PTPRR: variants seen among roughly 807,000 people sequenced by gnomAD.
PTPRR encodes the protein protein tyrosine phosphatase receptor type R, also known as receptor-type tyrosine-protein phosphatase R.
PTPRR carries 38 observed loss-of-function variants against 77.2 expected under a neutral mutation model. That is an observed-to-expected ratio of 0.49 (90% CI 0.38 to 0.65). The LOEUF (loss-of-function observed/expected upper bound fraction) is 0.65. PTPRR is among the 30% of genes least tolerant of loss of function. The pLI, the probability that PTPRR is intolerant of heterozygous loss-of-function variation, is 0.00. For synonymous variants in PTPRR, 299 were observed against 283.1 expected (o/e 1.06, Z -0.57); for missense variants, 744 against 799.2 (o/e 0.93, Z 0.83).
intron 13 of PTPRR, among the ~76,000 whole-genome samples, chr12:70,652,030 A>G (rs1886414609): frequency 6.6e-6 from 1 of 152,218 alleles, no homozygotes; most frequent in Non-Finnish European, 1.5e-5. Context: ...TATGTATTAA[A>G]TACATAGTGC....
intron 10 of PTPRR, among the ~76,000 whole-genome samples, chr12:70,666,340 A>G: frequency 6.6e-6 from 1 of 152,212 alleles, no homozygotes; most frequent in Non-Finnish European, 1.5e-5. Flanking sequence ...GTTGAGGCAC[A>G]TGCAACCTTG....
At chr12:70,767,288 C>T (rs940825895) in intron 2 of PTPRR, among the ~76,000 whole-genome samples, 1 of 151,708 alleles carries the variant, frequency 6.6e-6, no homozygotes, top group African/African-American at 2.4e-5. Flanking sequence ...TGCAGAGACA[C>T]ACATAGGCTC....
At chr12:70,872,565 G>A (rs750308732) in intron 2 of PTPRR, among the ~76,000 whole-genome samples, 9 of 151,358 alleles carry the variant, frequency 5.9e-5, no homozygotes, top group Admixed American at 1.3e-4. Context: ...GCGTGGTGGC[G>A]GGTGCCTGTA....
intron 8 of PTPRR, among the ~76,000 whole-genome samples, chr12:70,694,693 T>C (rs550257022): frequency 6.6e-6 from 1 of 152,202 alleles, no homozygotes; most frequent in Admixed American, 6.5e-5. Context: ...AAAATCTTCC[T>C]ATTGGGTACT....
chr12:70,910,421 GCAATTATCTTA>G (rs1221444184), intron 1 of PTPRR, among the ~76,000 whole-genome samples: 4 of 152,044 alleles, frequency 2.6e-5, no homozygotes, highest in Non-Finnish European at 5.9e-5. Context: ...AAAAGGTAAG[GCAATTATCTTA>G]CAAAAGCACC....
At chr12:70,858,057 G>A (rs970557718) in intron 2 of PTPRR, among the ~76,000 whole-genome samples, 4 of 152,114 alleles carry the variant, frequency 2.6e-5, no homozygotes, top group African/African-American at 9.7e-5. Context: ...CAATGACTGA[G>A]TAGATCAGGG....
intron 2 of PTPRR, among the ~76,000 whole-genome samples, chr12:70,876,396 T>C (rs1893052610): frequency 6.6e-6 from 1 of 152,092 alleles, no homozygotes; most frequent in African/African-American, 2.4e-5. Flanking sequence ...GTAAATGAAA[T>C]AGATGTACAT....
chr12:70,696,934 T>C (rs1166996513), intron 8 of PTPRR, among the ~76,000 whole-genome samples: 1 of 152,194 alleles, frequency 6.6e-6, no homozygotes, highest in Admixed American at 6.5e-5. Flanking sequence ...ATCAGTGCCT[T>C]GTTCCTTTTT....
intron 2 of PTPRR, among the ~76,000 whole-genome samples, chr12:70,862,303 C>T (rs1051925209): frequency 6.6e-6 from 1 of 151,920 alleles, no homozygotes; most frequent in Non-Finnish European, 1.5e-5. Flanking sequence ...ACCTTTTCTA[C>T]AGAGTTGTAG....
At chr12:70,728,797 C>T (rs537229861) in intron 6 of PTPRR, among the ~76,000 whole-genome samples, 2 of 152,058 alleles carry the variant, frequency 1.3e-5, no homozygotes, top group East Asian at 3.9e-4. Flanking sequence ...CCACACAACA[C>T]TAAAGAGGAT....
intron 4 of PTPRR, among the ~76,000 whole-genome samples, chr12:70,756,992 T>G (rs547825128): frequency 6.6e-6 from 1 of 152,140 alleles, no homozygotes; most frequent in Admixed American, 6.6e-5. Context: ...CAATATGGCT[T>G]TGTTGGATAA....
At chr12:70,874,955 G>A (rs1052140699) in intron 2 of PTPRR, among the ~76,000 whole-genome samples, 20 of 149,342 alleles carry the variant, frequency 1.3e-4, no homozygotes, top group South Asian at 1.0e-3. Flanking sequence ...GCAACCTCAC[G>A]TTTGGGAATC....
intron 2 of PTPRR, among the ~76,000 whole-genome samples, chr12:70,849,477 C>G (rs1205392356): frequency 6.6e-6 from 1 of 152,162 alleles, no homozygotes; most frequent in African/African-American, 2.4e-5. Flanking sequence ...TTTTTCAACT[C>G]AACTACCAGT....
chr12:70,749,488 G>A (rs1890318928), intron 5 of PTPRR, among the ~76,000 whole-genome samples: 1 of 152,080 alleles, frequency 6.6e-6, no homozygotes, highest in Non-Finnish European at 1.5e-5. Flanking sequence ...TAAGACAATT[G>A]TATTCTTCTT....
chr12:70,704,310 C>A (rs972156818), intron 6 of PTPRR, among the ~76,000 whole-genome samples: 24 of 151,876 alleles, frequency 1.6e-4, no homozygotes, highest in African/African-American at 5.8e-4. Flanking sequence ...CTCAGCTATT[C>A]GGGAGGATGA....
intron 2 of PTPRR, among the ~76,000 whole-genome samples, chr12:70,863,620 G>GT (rs1008294858): frequency 6.6e-5 from 10 of 151,102 alleles, no homozygotes; most frequent in Non-Finnish European, 8.9e-5. Flanking sequence ...AATTTTAATA[G>GT]TTTTTTTTGT....
At chr12:70,758,104 C>G (rs1158483070) in intron 4 of PTPRR, among the ~76,000 whole-genome samples, 3 of 152,160 alleles carry the variant, frequency 2.0e-5, no homozygotes, top group Non-Finnish European at 4.4e-5. Flanking sequence ...ACAAAAGGTT[C>G]AAATAATCCC....
At chr12:70,754,092 G>A (rs1300597495) in intron 5 of PTPRR, 99 bp downstream of exon 5, 4 of 1,123,934 alleles carry the variant, frequency 3.6e-6, no homozygotes, top group Middle Eastern at 5.3e-4. Context: ...TCTTCCTTCT[G>A]CTCGGAAGCA....
At chr12:70,878,390 A>C (rs1323736714) in intron 2 of PTPRR, among the ~76,000 whole-genome samples, 1 of 152,216 alleles carries the variant, frequency 6.6e-6, no homozygotes, top group Non-Finnish European at 1.5e-5. Flanking sequence ...CAATGAACTC[A>C]AACAAATTTA....
Sources: gnomAD v4.1 joint callset for allele counts (sites outside exome capture counted in the v4.1 genomes callset) on GRCh38, gnomAD v4.1.1 for gene constraint, MANE v1.5 for transcripts, NCBI Gene and HGNC (gene_info 2026-07-23, HGNC 2026-07-21) for gene names.